Variants in PPM1H observed in about 807,000 individuals in gnomAD.
PPM1H encodes protein phosphatase 1H.
A neutral mutation model predicts 54.9 loss-of-function variants in PPM1H; 27 were observed. The ratio of observed to expected loss-of-function variants is 0.49; its 90% CI spans 0.36 to 0.68. PPM1H has a LOEUF of 0.68. Among genes scored for constraint, PPM1H ranks in the 30% least tolerant of loss-of-function variants. The pLI is 0.00. For missense variants in PPM1H, 596 were observed against 667.8 expected (o/e 0.89, Z 1.19); for synonymous variants, 305 against 270.8 (o/e 1.13, Z -1.24).
chr12:62,694,899 T>C (rs1044714732), intron 6 of PPM1H, among the ~76,000 whole-genome samples: 1 of 152,218 alleles, frequency 6.6e-6, no homozygotes, highest in Admixed American at 6.5e-5. Context: ...TTACGTGGCA[T>C]ACCGGTTCCC....
chr12:62,755,698 C>T, intron 4 of PPM1H: 1 of 680,460 alleles, frequency 1.5e-6, no homozygotes, highest in Non-Finnish European at 2.6e-6. Context: ...CTGCTTAGTG[C>T]CTCTGGCCAA....
chr12:62,689,410 A>C (rs143575853), intron 8 of PPM1H, among the ~76,000 whole-genome samples: 4 of 152,172 alleles, frequency 2.6e-5, no homozygotes, highest in African/African-American at 9.6e-5. Context: ...AGCAATTAGG[A>C]GTCAGTTTTT....
At chr12:62,729,760 T>A (rs80323728) in intron 5 of PPM1H, among the ~76,000 whole-genome samples, 1 of 152,344 alleles carries the variant, frequency 6.6e-6, no homozygotes, top group East Asian at 1.9e-4. Flanking sequence ...GCGAAATTCA[T>A]CCATGTTGTG....
At chr12:62,701,988 A>C (rs1453444258) in intron 6 of PPM1H, among the ~76,000 whole-genome samples, 1 of 152,238 alleles carries the variant, frequency 6.6e-6, no homozygotes, top group Non-Finnish European at 1.5e-5. Flanking sequence ...CATGGTAGAC[A>C]TAAAGTAGAC....
At chr12:62,720,932 G>C (rs894396620) in intron 5 of PPM1H, 2 of 152,468 alleles carry the variant, frequency 1.3e-5, no homozygotes, top group Non-Finnish European at 2.9e-5. Flanking sequence ...CAGTCTCATT[G>C]TCACATTCAA....
chr12:62,860,168 G>A (rs964391291), intron 1 of PPM1H, among the ~76,000 whole-genome samples: 1 of 152,180 alleles, frequency 6.6e-6, no homozygotes, highest in African/African-American at 2.4e-5. Context: ...CATGGTGGTG[G>A]GAAGGAGGAG....
chr12:62,732,438 C>T (rs936680016), intron 5 of PPM1H, among the ~76,000 whole-genome samples: 1 of 152,182 alleles, frequency 6.6e-6, no homozygotes, highest in East Asian at 1.9e-4. Flanking sequence ...CAAAATGGTT[C>T]ATGTAGAAAG....
chr12:62,808,639 A>G (rs1246366077), intron 2 of PPM1H, among the ~76,000 whole-genome samples: 1 of 152,062 alleles, frequency 6.6e-6, no homozygotes, highest in Non-Finnish European at 1.5e-5. Context: ...CAGAACTTGC[A>G]GCTCATCACA....
intron 9 of PPM1H, among the ~76,000 whole-genome samples, chr12:62,657,089 C>T (rs184779728): frequency 2.8e-4 from 42 of 152,190 alleles, no homozygotes; most frequent in Non-Finnish European, 4.7e-4. Context: ...ACCAGAATAA[C>T]GACAACTGTT....
chr12:62,688,018 A>G (rs1339561209), intron 8 of PPM1H, among the ~76,000 whole-genome samples: 1 of 151,742 alleles, frequency 6.6e-6, no homozygotes, highest in Non-Finnish European at 1.5e-5. Context: ...CAAAAAAAAA[A>G]AAAAAAAGAA....
In PPM1H at chr12:62,791,853, G is replaced by C. The variant is rs542923861; in HGVS notation, c.757-3515C>G. Among the ~76,000 whole-genome samples the C allele has an allele frequency of 1.2e-4, 18 of 152,298 alleles. No homozygotes were observed. In the South Asian group the frequency reaches 3.3e-3, roughly 28 times the overall value. On this transcript the variant is annotated intron_variant, in intron 3 of 9. Transcript: ENST00000228705. ...ATAGGAGAATTGCTTGAACCCGGGA[G>C]CCGGAGGTTGCAGTGAGCCAAGATC...
intron 1 of PPM1H, among the ~76,000 whole-genome samples, chr12:62,873,779 A>G (rs1486045609): frequency 6.6e-6 from 1 of 152,204 alleles, no homozygotes; most frequent in East Asian, 1.9e-4. Flanking sequence ...AGCCCTATAA[A>G]TTTGCCAGTT....
intron 1 of PPM1H, among the ~76,000 whole-genome samples, chr12:62,862,688 G>A (rs1869643914): frequency 6.6e-6 from 1 of 152,158 alleles, no homozygotes; most frequent in South Asian, 2.1e-4. Flanking sequence ...GCAAAGAGAG[G>A]CAGCACTTTA....
At chr12:62,857,003 G>C (rs1460642754) in intron 1 of PPM1H, among the ~76,000 whole-genome samples, 1 of 152,070 alleles carries the variant, frequency 6.6e-6, no homozygotes. Context: ...GTAATACATA[G>C]GTCTAATGTG....
intron 4 of PPM1H, among the ~76,000 whole-genome samples, chr12:62,748,170 G>C (rs147435728): frequency 1.3e-5 from 2 of 152,006 alleles, no homozygotes; most frequent in African/African-American, 4.8e-5. Context: ...GTGAACCCGG[G>C]AGGCGGAGCT....
intron 2 of PPM1H, among the ~76,000 whole-genome samples, chr12:62,806,741 T>A (rs1555198079): frequency 6.6e-6 from 1 of 152,210 alleles, no homozygotes; most frequent in African/African-American, 2.4e-5. Context: ...TCCCCAGCCA[T>A]GCTTCCTGTA....
At chr12:62,909,023 T>C in intron 1 of PPM1H, among the ~76,000 whole-genome samples, 1 of 148,740 alleles carries the variant, frequency 6.7e-6, no homozygotes, top group Admixed American at 6.7e-5. Flanking sequence ...CACCCCACCC[T>C]ATCCCCTGGG....
chr12:62,878,872 G>A (rs555175630), intron 1 of PPM1H, among the ~76,000 whole-genome samples: 35 of 152,270 alleles, frequency 2.3e-4, no homozygotes, highest in Non-Finnish European at 4.4e-4. Context: ...TCCGTAAGGC[G>A]GAGGTTGCTG....
intron 4 of PPM1H, among the ~76,000 whole-genome samples, chr12:62,764,592 TC>T (rs2076529813): frequency 6.6e-6 from 1 of 151,732 alleles, no homozygotes; most frequent in African/African-American, 2.4e-5. Context: ...TTTCTTCCTC[TC>T]CCATTTTGTT....
Sources: allele counts gnomAD v4.1 joint callset (sites outside exome capture counted in the v4.1 genomes callset), GRCh38; gene constraint gnomAD v4.1.1; transcripts MANE v1.5; gene names NCBI Gene and HGNC (gene_info 2026-07-23, HGNC 2026-07-21).